The following GRIA4 variants were observed in gnomAD, a reference collection of about 807,000 sequenced individuals.
GRIA4 encodes the protein glutamate receptor 4.
GRIA4 carries 34 observed loss-of-function variants against 104.0 expected under a neutral mutation model. That is an observed-to-expected ratio of 0.33 (90% CI 0.25 to 0.44). GRIA4 has a LOEUF of 0.44. Ranked by LOEUF, GRIA4 falls within the 20% of genes least tolerant of loss-of-function variation. The pLI is 1.00. For synonymous variants in GRIA4, 386 were observed against 381.9 expected (o/e 1.01, Z -0.13); for missense variants, 750 against 1,096.5 (o/e 0.68, Z 4.46).
chr11:105,865,448 A>G (rs1016313056), intron 5 of GRIA4, among the ~76,000 whole-genome samples: 5 of 152,212 alleles, frequency 3.3e-5, no homozygotes, highest in African/African-American at 4.8e-5. Context: ...AATTTTTTAT[A>G]GAATATTTTT....
At chr11:105,825,796 C>T (rs1353819198) in intron 4 of GRIA4, among the ~76,000 whole-genome samples, 1 of 152,030 alleles carries the variant, frequency 6.6e-6, no homozygotes, top group South Asian at 2.1e-4. Flanking sequence ...ATTTGTGGCT[C>T]TTTTGAATTG....
At chr11:105,661,725 A>C (rs2135412543) in intron 3 of GRIA4, among the ~76,000 whole-genome samples, 1 of 151,842 alleles carries the variant, frequency 6.6e-6, no homozygotes, top group East Asian at 1.9e-4. Flanking sequence ...AGCATGGTAA[A>C]TTCTTGGTAT....
intron 3 of GRIA4, among the ~76,000 whole-genome samples, chr11:105,711,383 A>C (rs991100281): frequency 6.6e-6 from 1 of 151,994 alleles, no homozygotes; most frequent in South Asian, 2.1e-4. Flanking sequence ...TATGTAACAA[A>C]CCTGCACGCT....
chr11:105,633,033 A>G (rs1951078593), intron 3 of GRIA4, among the ~76,000 whole-genome samples: 2 of 152,210 alleles, frequency 1.3e-5, no homozygotes, highest in South Asian at 4.1e-4. Flanking sequence ...AAGGTCCTAA[A>G]GCAATATTAT....
intron 13 of GRIA4, among the ~76,000 whole-genome samples, chr11:105,929,852 C>T (rs1293371976): frequency 6.6e-6 from 1 of 152,042 alleles, no homozygotes; most frequent in East Asian, 1.9e-4. Context: ...AAGGATAGCA[C>T]ATTCTTTTAA....
rs368835761 is a variant in GRIA4 at position 105,974,225 on chromosome 11, C to T, written c.2410-85C>T. 1.9e-5 allele frequency: 25 copies of T among 1,341,628 alleles called. No homozygotes were observed. The African/African-American group carries it at 2.0e-4, about 11-fold the overall frequency. 83.1% of individuals were successfully genotyped at this position (1,341,628 alleles called of 1,614,324 possible). On this transcript the variant is annotated intron_variant, in intron 15 of 16. Coordinates refer to ENST00000282499, the MANE Select transcript of GRIA4 (RefSeq NM_000829.4). ...TCAGGTTAAATTAAGCATTTACTTT[C>T]ATTGGCTTTTTGGATTTCATGTGTT... is the stretch of plus-strand genomic sequence containing the variant.
At chr11:105,698,047 A>G (rs1391952911) in intron 3 of GRIA4, among the ~76,000 whole-genome samples, 1 of 152,152 alleles carries the variant, frequency 6.6e-6, no homozygotes, top group Non-Finnish European at 1.5e-5. Flanking sequence ...TATTTCTCAC[A>G]TATGCTACTA....
intron 4 of GRIA4, among the ~76,000 whole-genome samples, chr11:105,791,371 C>CA (rs1316588119): frequency 2.6e-5 from 4 of 152,072 alleles, no homozygotes; most frequent in Non-Finnish European, 5.9e-5. Flanking sequence ...TTGGTCTCAA[C>CA]AAAAAACAAT....
chr11:105,658,022 T>A (rs1357325382), intron 3 of GRIA4, among the ~76,000 whole-genome samples: 1 of 151,702 alleles, frequency 6.6e-6, no homozygotes, highest in Admixed American at 6.6e-5. Context: ...TCAGGAAAAA[T>A]TCTCATTTTT....
intron 6 of GRIA4, among the ~76,000 whole-genome samples, chr11:105,897,960 A>G (rs940707499): frequency 7.9e-5 from 12 of 152,146 alleles, no homozygotes; most frequent in African/African-American, 2.4e-4. Flanking sequence ...TTTTTGATGC[A>G]ATCATATTTA....
intron 7 of GRIA4, among the ~76,000 whole-genome samples, chr11:105,900,737 G>A (rs1946824875): frequency 6.6e-6 from 1 of 151,868 alleles, no homozygotes; most frequent in Non-Finnish European, 1.5e-5. Context: ...TTACAGGCCT[G>A]CCCCACCACA....
At chr11:105,856,742 T>C (rs974044236) in intron 4 of GRIA4, among the ~76,000 whole-genome samples, 3 of 152,156 alleles carry the variant, frequency 2.0e-5, no homozygotes, top group African/African-American at 7.2e-5. Flanking sequence ...AATTTTCTTA[T>C]AAGATGTCAT....
At chr11:105,837,733 A>G (rs1944246070) in intron 4 of GRIA4, among the ~76,000 whole-genome samples, 1 of 152,120 alleles carries the variant, frequency 6.6e-6, no homozygotes, top group South Asian at 2.1e-4. Context: ...AGAATTCCTG[A>G]ATTTTCCATG....
intron 3 of GRIA4, among the ~76,000 whole-genome samples, chr11:105,640,285 A>G (rs765625125): frequency 6.6e-6 from 1 of 152,064 alleles, no homozygotes; most frequent in Non-Finnish European, 1.5e-5. Flanking sequence ...TTTTTCTTGT[A>G]TTCTCAGAAT....
intron 3 of GRIA4, among the ~76,000 whole-genome samples, chr11:105,642,394 A>T (rs1951392272): frequency 6.6e-6 from 1 of 152,060 alleles, no homozygotes; most frequent in Admixed American, 6.6e-5. Context: ...ATTATGGTGA[A>T]ATTCCATTTA....
intron 4 of GRIA4, among the ~76,000 whole-genome samples, chr11:105,762,629 T>C (rs986751725): frequency 3.9e-5 from 6 of 152,322 alleles, no homozygotes; most frequent in South Asian, 2.1e-4. Flanking sequence ...CCTCTTGTCA[T>C]GGGAGGGACC....
chr11:105,913,975 T>C (rs1416100693), intron 10 of GRIA4, among the ~76,000 whole-genome samples: 1 of 152,002 alleles, frequency 6.6e-6, no homozygotes, highest in Admixed American at 6.6e-5. Flanking sequence ...TGATATTTTT[T>C]CTTCTCTATG....
chr11:105,823,120 A>G lies in GRIA4; in HGVS notation c.488-38904A>G, dbSNP rs138199317. ...AATCTTGTTCAGGATTTCTGTCAGG[A>G]TCTTCTCAAATGCATTGTGATAAAG... On this transcript the variant is annotated intron_variant, in intron 4 of 16. Transcript: ENST00000282499. 4.4e-4 allele frequency among the ~76,000 whole-genome samples: 67 copies of G among 152,180 alleles called. 1 individual carries two copies. Among genetic ancestry groups the G allele is most frequent in the Middle Eastern group, 6.8e-3 (2 of 294 alleles).
At chr11:105,824,759 A>T (rs1223102401) in intron 4 of GRIA4, 1 of 152,136 alleles carries the variant, frequency 6.6e-6, no homozygotes, top group Non-Finnish European at 1.5e-5. Context: ...GCAAGAAATC[A>T]AGGCTAGCCT....
Sources: gnomAD v4.1 joint callset for allele counts (sites outside exome capture counted in the v4.1 genomes callset) on GRCh38, gnomAD v4.1.1 for gene constraint, MANE v1.5 for transcripts, NCBI Gene and HGNC (gene_info 2026-07-23, HGNC 2026-07-21) for gene names.